SASH1: variants seen among roughly 807,000 people sequenced by gnomAD.
The protein encoded by SASH1 is SAM and SH3 domain containing 1, also known as SAM and SH3 domain-containing protein 1.
Under a neutral mutation model 125.2 loss-of-function variants are expected in SASH1, and 44 were observed. The ratio of observed to expected loss-of-function variants is 0.35; its 90% confidence interval spans 0.28 to 0.45. SASH1 has a LOEUF of 0.45. Among genes scored for constraint, SASH1 ranks in the 20% least tolerant of loss-of-function variants. The pLI is 1.00. For synonymous variants in SASH1, 639 were observed against 649.1 expected (o/e 0.98, Z 0.24); for missense variants, 1,426 against 1,614.5 (o/e 0.88, Z 2.00).
chr6:148,238,121 A>T, the SASH1 span, among the ~76,000 whole-genome samples: 5 of 152,000 alleles, frequency 3.3e-5, no homozygotes, highest in African/African-American at 1.2e-4. Context: ...TAACCTTCTC[A>T]CTGAGTTTTA....
chr6:148,259,161 G>A, the SASH1 span, among the ~76,000 whole-genome samples: 3 of 152,116 alleles, frequency 2.0e-5, no homozygotes, highest in African/African-American at 4.8e-5. Context: ...CCAGAGTGGG[G>A]GCACCTCCTG....
At chr6:148,311,935 C>A (rs767674658) in intron 1 of SASH1, among the ~76,000 whole-genome samples, 1 of 152,150 alleles carries the variant, frequency 6.6e-6, no homozygotes, top group African/African-American at 2.4e-5. Flanking sequence ...TGGTACATCC[C>A]CACAGTGGAA....
chr6:148,329,899 C>T (rs1780941446), intron 1 of SASH1, among the ~76,000 whole-genome samples: 1 of 151,776 alleles, frequency 6.6e-6, no homozygotes, highest in Non-Finnish European at 1.5e-5. Context: ...TTTGTAAGGG[C>T]TGGCAGATGA....
intron 7 of SASH1, among the ~76,000 whole-genome samples, chr6:148,483,591 T>G (rs1233773300): frequency 1.3e-5 from 2 of 151,760 alleles, no homozygotes; most frequent in African/African-American, 4.8e-5. Flanking sequence ...CCAAAGGGAG[T>G]GGGGAGCCCT....
At chr6:148,296,504 C>G (rs1779769761) in intron 1 of SASH1, among the ~76,000 whole-genome samples, 1 of 152,052 alleles carries the variant, frequency 6.6e-6, no homozygotes, top group Non-Finnish European at 1.5e-5. Flanking sequence ...TTACTATGTT[C>G]CTGGAGATAA....
intron 2 of SASH1, chr6:148,393,691 C>G: frequency 2.0e-6 from 2 of 985,106 alleles, no homozygotes; most frequent in Non-Finnish European, 2.4e-6. Context: ...GTGCTCTGTT[C>G]CAAAACCGCA....
intron 1 of SASH1, among the ~76,000 whole-genome samples, chr6:148,368,768 G>GCACACACACACACACACA (rs1554245318): frequency 1.4e-5 from 1 of 70,480 alleles, no homozygotes; most frequent in Admixed American, 1.3e-4. Flanking sequence ...GCGCACGCGC[G>GCACACACACACACACACA]CGCACACACA....
the SASH1 span, among the ~76,000 whole-genome samples, chr6:148,226,042 C>T: frequency 2.6e-5 from 4 of 152,154 alleles, no homozygotes; most frequent in African/African-American, 9.7e-5. Context: ...CCACTTTCCC[C>T]TCTCATCTCC....
intron 5 of SASH1, 190 bp downstream of exon 5, chr6:148,468,775 C>A (rs1777966048): frequency 5.9e-6 from 3 of 510,596 alleles, no homozygotes; most frequent in Non-Finnish European, 1.0e-5. Flanking sequence ...TCATATTCTG[C>A]ATACTGTTTT....
intron 2 of SASH1, among the ~76,000 whole-genome samples, chr6:148,404,612 C>T (rs988208413): frequency 2.2e-5 from 3 of 135,942 alleles, no homozygotes; most frequent in East Asian, 4.4e-4. Flanking sequence ...AGCCCAGCAC[C>T]ACCGGCCTCC....
chr6:148,307,042 T>C (rs948247081), intron 1 of SASH1, among the ~76,000 whole-genome samples: 4 of 108,274 alleles, frequency 3.7e-5, no homozygotes, highest in African/African-American at 8.5e-5. Flanking sequence ...CTTTCTTTCT[T>C]TCTTTCTTTC....
intron 1 of SASH1, among the ~76,000 whole-genome samples, chr6:148,315,263 A>G (rs1395706968): frequency 6.6e-6 from 1 of 152,226 alleles, no homozygotes; most frequent in Non-Finnish European, 1.5e-5. Flanking sequence ...AGTAGCTAAT[A>G]TGTTTTTATT....
chr6:148,471,409 T>TAA lies in SASH1; in HGVS notation c.428-8_428-7insAA. On this transcript the variant is annotated splice_region_variant and splice_polypyrimidine_tract_variant and intron_variant, in intron 5 of 19. Coordinates refer to ENST00000367467, the MANE Select transcript of SASH1 (RefSeq NM_015278.5). ...TTCTTTTTTTTTTTTTTTTTTTTTT[T>TAA]TTTTAAGGAAAAGGAGACTGGAAGA... 1.5e-6 allele frequency: 2 copies of TAA among 1,343,048 alleles called. No individual in the cohort carries two copies. The highest frequency in any genetic ancestry group is 2.0e-6 in the Non-Finnish European group (2 of 992,102). 83.2% of individuals were successfully genotyped at this position (1,343,048 alleles called of 1,614,324 possible).
At chr6:148,346,258 C>T (rs1395721719) in intron 1 of SASH1, among the ~76,000 whole-genome samples, 1 of 152,132 alleles carries the variant, frequency 6.6e-6, no homozygotes, top group Non-Finnish European at 1.5e-5. Context: ...TCAGTAAATA[C>T]AGGATGGTTG....
chr6:148,270,158 A>T (rs188403803), upstream of SASH1, among the ~76,000 whole-genome samples: 6 of 152,334 alleles, frequency 3.9e-5, no homozygotes, highest in Admixed American at 2.0e-4. Context: ...GGTATAGACA[A>T]GGAAACAGGC....
intron 1 of SASH1, among the ~76,000 whole-genome samples, chr6:148,315,418 G>A (rs562385727): frequency 1.3e-5 from 2 of 152,300 alleles, no homozygotes; most frequent in African/African-American, 4.8e-5. Flanking sequence ...CTTGCTGGGA[G>A]TTGAAGTTTG....
rs1491375081 is a variant in SASH1, at chr6:148,307,092, CTT to C, written n.74+34717_74+34718del. On this transcript the variant is annotated intron_variant and non_coding_transcript_variant, in intron 1 of 3. Coordinates refer to the SASH1 transcript ENST00000367469. ...TCTTTCTTTCTTTCTTTCTTTCTTT[CTT>C]TCTCTCTCTCTGTCTCTTTCTTTCT... Among the ~76,000 whole-genome samples, 19 of 138,454 alleles carry C rather than the reference CTT, an allele frequency of 1.4e-4. 1 individual carries two copies. Among genetic ancestry groups the C allele is most frequent in the Admixed American group, 5.1e-4 (7 of 13,664 alleles). 90.8% of individuals were successfully genotyped at this position (138,454 alleles called of 152,430 possible).
In SASH1 at chr6:148,332,911, C is replaced by T. The variant is rs186769741; in HGVS notation, n.75-57223C>T. ...CTGAGGCAGGAGAATCCCTTGAACC[C>T]GGGAGGTGGAGGTTGCAGTGAGCCG... On this transcript the variant is annotated intron_variant and non_coding_transcript_variant, in intron 1 of 3. Coordinates refer to the SASH1 transcript ENST00000367469. Among the ~76,000 whole-genome samples, 508 of 152,192 alleles carry T rather than the reference C, an allele frequency of 3.3e-3. 2 individuals are homozygous for T. The highest frequency in any genetic ancestry group is 0.011 in the African/African-American group (474 of 41,518).
chr6:148,268,505 C>G, upstream of SASH1, among the ~76,000 whole-genome samples: 1 of 152,196 alleles, frequency 6.6e-6, no homozygotes, highest in East Asian at 1.9e-4. Context: ...TTGTAAAACT[C>G]TGCTCAACTC....
Sources: gnomAD v4.1 joint callset for allele counts (sites outside exome capture counted in the v4.1 genomes callset) on GRCh38, gnomAD v4.1.1 for gene constraint, MANE v1.5 for transcripts, NCBI Gene and HGNC (gene_info 2026-07-23, HGNC 2026-07-21) for gene names.